The following ANKRD22 variants were observed in gnomAD, a reference collection of about 807,000 sequenced individuals.
ANKRD22 encodes ankyrin repeat domain-containing protein 22.
Under a neutral mutation model 25.7 loss-of-function variants are expected in ANKRD22, and 24 were observed. The observed-to-expected ratio is 0.93, with a 90% CI of 0.68 to 1.31. The LOEUF is 1.31. Ranked by LOEUF, ANKRD22 falls within the 50% of genes most tolerant of loss-of-function variation. The pLI is 0.00. For synonymous variants in ANKRD22, 84 were observed against 84.3 expected (o/e 1.00, Z 0.02); for missense variants, 214 against 227.1 (o/e 0.94, Z 0.37).
chr10:88,849,893 T>C (rs1019155986), intron 1 of ANKRD22, among the ~76,000 whole-genome samples: 2 of 152,078 alleles, frequency 1.3e-5, no homozygotes, highest in Non-Finnish European at 2.9e-5. Flanking sequence ...CATTCTCTCC[T>C]TCTTTCTTAA....
chr10:88,836,794 A>C (rs1843958088), intron 1 of ANKRD22, among the ~76,000 whole-genome samples: 2 of 152,186 alleles, frequency 1.3e-5, no homozygotes, highest in African/African-American at 4.8e-5. Context: ...AAGAGATAAG[A>C]AGTGTCATCA....
chr10:88,821,229 C>T lies in ANKRD22; in HGVS notation c.*1712G>A, dbSNP rs532634951. 1.3e-5 allele frequency among the ~76,000 whole-genome samples: 2 copies of T among 152,272 alleles called. No individual in the cohort carries two copies. The highest frequency in any genetic ancestry group is 4.8e-5 in the African/African-American group (2 of 41,564). On this transcript the variant is annotated 3_prime_UTR_variant, in exon 6 of 6. Transcript: ENST00000371930. ...TAAAAATTTCTGGCTCAATTTTCTG[C>T]CTCCAAAAATTAAAAGCTAGGGAGA... is the stretch of plus-strand genomic sequence containing the variant.
At chr10:88,823,631 T>C (rs1007241413) in intron 4 of ANKRD22, 9 of 369,758 alleles carry the variant, frequency 2.4e-5, no homozygotes, top group East Asian at 6.3e-5. Context: ...ATCGAGACCG[T>C]CCTGGCTAAC....
intron 2 of ANKRD22, among the ~76,000 whole-genome samples, chr10:88,829,333 G>A (rs911443077): frequency 1.3e-5 from 2 of 152,196 alleles, no homozygotes; most frequent in Admixed American, 1.3e-4. Context: ...CCAAGAGAAA[G>A]AAAGGAGGTT....
intron 1 of ANKRD22, among the ~76,000 whole-genome samples, chr10:88,838,010 C>A (rs1001331191): frequency 6.6e-6 from 1 of 152,108 alleles, no homozygotes; most frequent in African/African-American, 2.4e-5. Flanking sequence ...CAGACTAATC[C>A]AATAACTAAA....
chr10:88,851,420 A>G (rs1204393592), intron 1 of ANKRD22, among the ~76,000 whole-genome samples, 167 bp downstream of exon 1: 2 of 152,218 alleles, frequency 1.3e-5, no homozygotes, highest in East Asian at 3.8e-4. Flanking sequence ...ACTATTAAGA[A>G]TATCAACAAG....
intron 1 of ANKRD22, among the ~76,000 whole-genome samples, chr10:88,839,450 C>T (rs1478248900): frequency 6.6e-6 from 1 of 152,118 alleles, no homozygotes; most frequent in African/African-American, 2.4e-5. Context: ...AATTTCCTCA[C>T]TTCTATGTTT....
intron 1 of ANKRD22, among the ~76,000 whole-genome samples, chr10:88,837,794 A>G (rs577902308): frequency 6.6e-6 from 1 of 152,294 alleles, no homozygotes; most frequent in South Asian, 2.1e-4. Context: ...ATGATAGTGA[A>G]TAAGTCTCAC....
intron 1 of ANKRD22, among the ~76,000 whole-genome samples, chr10:88,847,118 C>G (rs948314560): frequency 6.6e-6 from 1 of 152,134 alleles, no homozygotes; most frequent in Non-Finnish European, 1.5e-5. Flanking sequence ...TCCACTTTCT[C>G]AATACACAAT....
At chr10:88,845,500 A>G (rs1301364019) in intron 1 of ANKRD22, among the ~76,000 whole-genome samples, 1 of 152,088 alleles carries the variant, frequency 6.6e-6, no homozygotes, top group Non-Finnish European at 1.5e-5. Context: ...ATATCGCTAA[A>G]GTACCATGTC....
At chr10:88,832,481 ATCTTTATCTTTAGTAAAGACAAAATG>A (rs1589324785) in intron 1 of ANKRD22, among the ~76,000 whole-genome samples, 2 of 151,990 alleles carry the variant, frequency 1.3e-5, no homozygotes, top group South Asian at 2.1e-4. Context: ...AAGATAAAAT[ATCTTTATCTTTAGTAAAGACAAAATG>A]TCTTTATCTT....
At chr10:88,826,181 CTATT>C in intron 3 of ANKRD22, 66 bp from the exon 4 acceptor site, 1 of 1,343,226 alleles carries the variant, frequency 7.4e-7, no homozygotes, top group Non-Finnish European at 1.1e-6. Context: ...ATGCCTGAGA[CTATT>C]TAATCAATAG....
intron 1 of ANKRD22, among the ~76,000 whole-genome samples, chr10:88,832,693 C>A (rs1843918733): frequency 6.6e-6 from 1 of 152,076 alleles, no homozygotes; most frequent in African/African-American, 2.4e-5. Flanking sequence ...AAATAATATA[C>A]AAATTATATG....
chr10:88,842,134 G>T (rs765818299), intron 1 of ANKRD22, among the ~76,000 whole-genome samples: 5 of 152,102 alleles, frequency 3.3e-5, no homozygotes, highest in Non-Finnish European at 7.4e-5. Flanking sequence ...ATCTCTAAAT[G>T]TAAGTCTCCT....
intron 1 of ANKRD22, among the ~76,000 whole-genome samples, chr10:88,834,726 G>A (rs888258488): frequency 2.0e-5 from 3 of 152,166 alleles, no homozygotes; most frequent in Admixed American, 2.0e-4. Context: ...CCTGAGGTCA[G>A]GAGTTCGAGA....
chr10:88,823,247 A>G, intron 5 of ANKRD22, 33 bp downstream of exon 5: 1 of 1,553,156 alleles, frequency 6.4e-7, no homozygotes, highest in Non-Finnish European at 8.9e-7. Flanking sequence ...CTGCTGCTAG[A>G]GGAACCTCAG....
intron 1 of ANKRD22, among the ~76,000 whole-genome samples, chr10:88,840,700 T>C (rs999814511): frequency 6.6e-6 from 1 of 152,170 alleles, no homozygotes; most frequent in Non-Finnish European, 1.5e-5. Flanking sequence ...ACGAAATGTC[T>C]TCTCAGAAAA....
intron 1 of ANKRD22, among the ~76,000 whole-genome samples, chr10:88,850,038 G>A (rs764720759): frequency 3.3e-5 from 5 of 150,370 alleles, no homozygotes; most frequent in Non-Finnish European, 7.4e-5. Flanking sequence ...ATTCTTCCAG[G>A]CAACATAGGA....
intron 1 of ANKRD22, among the ~76,000 whole-genome samples, chr10:88,833,486 A>G (rs1333568907): frequency 6.6e-6 from 1 of 152,206 alleles, no homozygotes; most frequent in Non-Finnish European, 1.5e-5. Context: ...GACAAGAAAA[A>G]AATTTTTTGG....
Sources: gnomAD v4.1 joint callset for allele counts (sites outside exome capture counted in the v4.1 genomes callset) on GRCh38, gnomAD v4.1.1 for gene constraint, MANE v1.5 for transcripts, NCBI Gene and HGNC (gene_info 2026-07-23, HGNC 2026-07-21) for gene names.